TUBGCP6: variants seen among roughly 807,000 people sequenced by gnomAD.
The protein encoded by TUBGCP6 is tubulin gamma complex component 6.
Under a neutral mutation model 175.8 loss-of-function variants are expected in TUBGCP6, and 161 were observed. That is an observed-to-expected ratio of 0.92 (90% CI 0.81 to 1.04). TUBGCP6 has a LOEUF of 1.04. Among genes scored for constraint, TUBGCP6 ranks in the 50% least tolerant of loss-of-function variants. The pLI is 0.00. For synonymous variants in TUBGCP6, 1,173 were observed against 1,030.5 expected, an observed-to-expected ratio of 1.14 and a Z score of -2.65; for missense variants, 2,572 against 2,433.0, an observed-to-expected ratio of 1.06 and a Z score of -1.20.
chr22:50,240,492 G>A (rs2064826552), intron 1 of TUBGCP6, 125 bp from the exon 2 acceptor site: 15 of 1,154,788 alleles, frequency 1.3e-5, no homozygotes, highest in South Asian at 1.2e-4. Flanking sequence ...TTTCTCAAGC[G>A]CATGTGTACC....
At chr22:50,224,011 T>C (rs192708475) in intron 13 of TUBGCP6, 130 bp downstream of exon 13, 13 of 781,708 alleles carry the variant, frequency 1.7e-5, no homozygotes, top group South Asian at 3.3e-5. Context: ...GTTCAGCATA[T>C]TGGTCTTTCT....
intron 16 of TUBGCP6, 100 bp downstream of exon 16, chr22:50,220,151 G>GAGGGGAACTT: frequency 6.5e-7 from 1 of 1,549,082 alleles, no homozygotes; most frequent in Non-Finnish European, 8.8e-7. Context: ...AAGGAGGCCT[G>GAGGGGAACTT]AGGGGAACTT....
Position 50,218,081 on chromosome 22 carries a change from G to C in TUBGCP6, c.5205C>G (p.Asn1735Lys). The C allele has an allele frequency of 6.2e-7, 1 of 1,613,234 alleles. No individual in the cohort carries two copies. The highest frequency in any genetic ancestry group is 1.1e-5 in the South Asian group (1 of 91,082). Residue 1735 changes from asparagine to lysine, a missense_variant, in exon 24 of 25, where the codon AAC becomes AAG. By Grantham distance (94) the Asn-to-Lys change is moderately conservative (BLOSUM62 0). Transcript: ENST00000248846. ...CGAGGCTGAAGATGCTGTGGATGACGTTCATGACGGGCGCCGCCTTCTCCG... is the reference window on the plus strand; with the variant it reads ...CGAGGCTGAAGATGCTGTGGATGACCTTCATGACGGGCGCCGCCTTCTCCG... ...LLTEKAAPVM[N>K]VIHSIFSLVL...
Position 50,241,246 on chromosome 22 carries a change from G to A in TUBGCP6, c.742-879C>T, listed in dbSNP as rs188505087. 1.4e-3 allele frequency among the ~76,000 whole-genome samples: 212 copies of A among 152,318 alleles called. 1 individual carries two copies. Among genetic ancestry groups the A allele is most frequent in the African/African-American group, 4.8e-3 (199 of 41,574 alleles). ...GGTGAGAAGTGACCAGAAGACAAGA[G>A]TGTGAGCCTTCTGTCATGCCCAGAC... On this transcript the variant is annotated intron_variant, in intron 1 of 24. Transcript: ENST00000248846.
rs776065095 is a variant in TUBGCP6 at position 50,224,256 on chromosome 22, G to A, written c.2155C>T (p.Arg719Ter). Reference protein sequence around the residue: ...LKEQFVKDQERRQAARQEELD... With the variant: ...LKEQFVKDQE ...TCCTCCTGCCTGGCCGCCTGGCGTC[G>A]CTATAAAACACATAGAGCCTGGCCT... The change falls in exon 13 of 25, where the codon CGA (arginine) becomes TGA (stop). Residue 719 changes from arginine (R) to a stop codon, truncating the protein, a stop_gained and splice_region_variant. Transcript: ENST00000248846. LOFTEE classifies it high-confidence loss of function. 26 of 1,613,980 alleles carry A rather than the reference G, an allele frequency of 1.6e-5. No individual in the cohort carries two copies. The highest frequency in any genetic ancestry group is 4.5e-5 in the East Asian group (2 of 44,888).
In TUBGCP6 at chr22:50,227,082, A is replaced by C. The variant is rs369896334; in HGVS notation, c.1413-5T>G. The C allele has an allele frequency of 2.1e-5, 34 of 1,609,152 alleles. No homozygotes were observed. Among genetic ancestry groups the C allele is most frequent in the Non-Finnish European group, 2.9e-5 (34 of 1,178,176 alleles). ...CCACAGAGCTCGGCCAGGTACCTAG[A>C]CCCAGAGGCAGGATGAGACCAGGTG... On this transcript the variant is annotated splice_region_variant and splice_polypyrimidine_tract_variant and intron_variant, in intron 5 of 24. Coordinates refer to ENST00000248846, the MANE Select transcript of TUBGCP6 (RefSeq NM_020461.4).
At chr22:50,227,423 G>C (rs757912052) in intron 5 of TUBGCP6, among the ~76,000 whole-genome samples, 88 of 152,188 alleles carry the variant, frequency 5.8e-4, no homozygotes, top group South Asian at 1.2e-3. Flanking sequence ...CCAAGCATCT[G>C]CCACAACTCG....
chr22:50,223,900 G>A (rs1231111784), intron 13 of TUBGCP6: 9 of 496,758 alleles, frequency 1.8e-5, no homozygotes, highest in East Asian at 7.1e-5. Context: ...CAAACAGTAC[G>A]CAGGCCTCGC....
intron 2 of TUBGCP6, among the ~76,000 whole-genome samples, chr22:50,235,942 A>G (rs987981575): frequency 5.0e-4 from 50 of 99,120 alleles, no homozygotes; most frequent in South Asian, 2.3e-3. Context: ...TCCATCTCGG[A>G]AAAAAAAAAA....
intron 10 of TUBGCP6, 93 bp downstream of exon 10, chr22:50,225,701 T>C (rs1270209543): frequency 1.4e-6 from 2 of 1,469,828 alleles, no homozygotes; most frequent in Admixed American, 4.6e-5. Context: ...GGCCCCCATC[T>C]TGCACAGCCC....
chr22:50,240,170 G>A (rs2064822711), intron 2 of TUBGCP6, 34 bp downstream of exon 2: 1 of 1,611,856 alleles, frequency 6.2e-7, no homozygotes, highest in Middle Eastern at 2.0e-4. Flanking sequence ...CAGGGGTAGG[G>A]GCACTGCATG....
At position 50,220,716 on chromosome 22, in the gene TUBGCP6, G is replaced by A. The variant is rs764928788; in HGVS notation, c.3643C>T (p.His1215Tyr). The A allele has an allele frequency of 6.2e-7, 1 of 1,610,844 alleles. No individual in the cohort carries two copies. Among genetic ancestry groups the A allele is most frequent in the African/African-American group, 1.3e-5 (1 of 74,556 alleles). The change falls in exon 16 of 25, where the codon CAC becomes TAC. Residue 1215 changes from histidine to tyrosine, a missense_variant. By Grantham distance (83) the His-to-Tyr change is moderately conservative. Transcript: ENST00000248846. ...MAPTRPRWNTHGHVSDTSIRV... is the reference protein window; with the variant it reads ...MAPTRPRWNTYGHVSDTSIRV... ...ATGCTGGTGTCAGACACATGTCCGT[G>A]GGTGTTCCACCGTGGCCGGGTGGGA... is the stretch of plus-strand genomic sequence containing the variant.
In TUBGCP6 at chr22:50,243,788, A is replaced by C; in HGVS notation, c.672T>G (p.Tyr224Ter). 1.2e-6 allele frequency: 2 copies of C among 1,613,570 alleles called. No individual in the cohort carries two copies. Among genetic ancestry groups the C allele is most frequent in the Non-Finnish European group, 1.7e-6 (2 of 1,179,976 alleles). ...LFGALVHSRT[Y>*]DMDVRLGLPP... ...GCAGGCCCAGTCGGACGTCCATGTCATAAGTGCGGCTGTGCACAAGGGCCC... is the reference window on the plus strand; with the variant it reads ...GCAGGCCCAGTCGGACGTCCATGTCCTAAGTGCGGCTGTGCACAAGGGCCC... The change falls in exon 1 of 25, where the codon TAT becomes TAG. Residue 224 changes from tyrosine to a stop codon, truncating the protein, a stop_gained. Transcript: ENST00000248846. LOFTEE classifies it high-confidence loss of function.
In TUBGCP6 at chr22:50,218,117, C is replaced by T; in HGVS notation, c.5169G>A (p.Arg1723=). The T allele has an allele frequency of 1.9e-6, 3 of 1,612,214 alleles. No homozygotes were observed. The highest frequency in any genetic ancestry group is 2.5e-6 in the Non-Finnish European group (3 of 1,179,566). ...HAEYLHKAVF[R]GLLTEKAAPV... ...GCGCCGCCTTCTCCGTGAGCAGGCC[C>T]CTGGGGGGAAGCAGTGCTGCTGGGT... The change falls in exon 24 of 25, where the codon AGG becomes AGA. Residue 1723 remains arginine (R), a splice_region_variant and synonymous_variant. Transcript: ENST00000248846.
At position 50,217,979 on chromosome 22, in the gene TUBGCP6, G is replaced by T; in HGVS notation, c.5307C>A (p.Asn1769Lys). ...TGTAGGACTGCTGCATGAGTGCAAAGTTGGGGTGCTCTGCACCCCGCGGGC... is the reference window on the plus strand; with the variant it reads ...TGTAGGACTGCTGCATGAGTGCAAATTTGGGGTGCTCTGCACCCCGCGGGC... The part of the protein sequence containing the change: ...PGGPRGAEHP[N>K]FALMQQSYNT... Residue 1769 changes from asparagine (N) to lysine (K), a missense_variant, in exon 24 of 25, where the codon AAC becomes AAA. Asn to Lys is a moderately conservative substitution (Grantham distance 94). Coordinates refer to ENST00000248846, the MANE Select transcript of TUBGCP6 (RefSeq NM_020461.4). The T allele has an allele frequency of 6.2e-7, 1 of 1,611,014 alleles. No individual in the cohort carries two copies.
In TUBGCP6 at chr22:50,244,619, C is replaced by A; in HGVS notation, c.-160G>T. On this transcript the variant is annotated 5_prime_UTR_variant, in exon 1 of 25. Coordinates refer to ENST00000248846, the MANE Select transcript of TUBGCP6 (RefSeq NM_020461.4). ...AGAACTGGTATTTTTTAAAGGAGGTCTTGCGGTTGCTCTACTCAGAGTAAA... is the reference window on the plus strand; with the variant it reads ...AGAACTGGTATTTTTTAAAGGAGGTATTGCGGTTGCTCTACTCAGAGTAAA... 1 of 1,252,154 alleles carries A rather than the reference C, an allele frequency of 8.0e-7. No individual in the cohort carries two copies. The highest frequency in any genetic ancestry group is 1.6e-5 in the South Asian group (1 of 63,282). 77.6% of individuals were successfully genotyped at this position (1,252,154 alleles called of 1,614,324 possible).
intron 13 of TUBGCP6, 26 bp downstream of exon 13, chr22:50,224,112 CCCT>C: frequency 1.2e-6 from 2 of 1,605,348 alleles, no homozygotes; most frequent in African/African-American, 1.3e-5. Flanking sequence ...CGCACTGCAC[CCCT>C]GGGCCTGGAG....
intron 18 of TUBGCP6, 46 bp from the exon 19 acceptor site, chr22:50,219,502 G>A (rs1288828672): frequency 1.9e-6 from 3 of 1,593,750 alleles, no homozygotes; most frequent in Non-Finnish European, 2.6e-6. Context: ...GCCAGCCCAG[G>A]GCTCCGCCCC....
At chr22:50,229,598 C>A in intron 3 of TUBGCP6, 21 bp from the exon 4 acceptor site, 1 of 1,568,650 alleles carries the variant, frequency 6.4e-7, no homozygotes, top group Non-Finnish European at 8.6e-7. Flanking sequence ...GCAGAGGACA[C>A]TGGTCACAGA....
Sources: allele counts gnomAD v4.1 joint callset (sites outside exome capture counted in the v4.1 genomes callset), GRCh38; gene constraint gnomAD v4.1.1; transcripts MANE v1.5; gene names NCBI Gene and HGNC (gene_info 2026-07-23, HGNC 2026-07-21).